Variants in CYB5R4 observed in about 807,000 individuals in gnomAD.
CYB5R4 encodes cytochrome b5 reductase 4.
A neutral mutation model predicts 70.2 loss-of-function variants in CYB5R4; 55 were observed. That is an observed-to-expected ratio of 0.78 (90% CI 0.63 to 0.98). The LOEUF is 0.98. Among genes scored for constraint, CYB5R4 ranks in the 50% least tolerant of loss-of-function variants. CYB5R4 has a pLI of 0.00. For synonymous variants in CYB5R4, 197 were observed against 199.5 expected, an observed-to-expected ratio of 0.99 and a Z score of 0.11; for missense variants, 562 against 612.6, an observed-to-expected ratio of 0.92 and a Z score of 0.87.
chr6:83,919,947 A>G (rs928898699), intron 7 of CYB5R4, among the ~76,000 whole-genome samples: 18 of 152,142 alleles, frequency 1.2e-4, no homozygotes, highest in African/African-American at 4.3e-4. Context: ...TGCCCATTTG[A>G]AACTGAAGTT....
intron 3 of CYB5R4, among the ~76,000 whole-genome samples, chr6:83,902,614 A>G (rs1295234082): frequency 1.3e-5 from 2 of 152,088 alleles, no homozygotes; most frequent in Non-Finnish European, 2.9e-5. Context: ...TTTGGGCTGT[A>G]TGTTCCTTCT....
rs575790760 is a variant in CYB5R4 at position 83,915,401 on chromosome 6, C to T, written c.445+953C>T. Among the ~76,000 whole-genome samples, 7 of 152,214 alleles carry T rather than the reference C, an allele frequency of 4.6e-5. No individual in the cohort carries two copies. In the South Asian group the frequency reaches 1.0e-3, roughly 23 times the overall value. On this transcript the variant is annotated intron_variant, in intron 5 of 15. Transcript: ENST00000369681. ...GGACTAATTTATGCAATTTATAGTA[C>T]CTGTAGTTGTTCATCGGATAATATA...
rs561464204 is a variant in CYB5R4 at position 83,921,963 on chromosome 6, T to C, written c.659-475T>C. Among the ~76,000 whole-genome samples the C allele has an allele frequency of 9.8e-5, 15 of 152,344 alleles. No homozygotes were observed. In the South Asian group the frequency reaches 1.9e-3, roughly 19 times the overall value. ...ATACCTAGAAAATACCTGTCACACA[T>C]AGACGCTCAATAAAATTTTTTTTCA... is the stretch of plus-strand genomic sequence containing the variant. On this transcript the variant is annotated intron_variant, in intron 8 of 15. Transcript: ENST00000369681.
chr6:83,865,442 T>C (rs775300942), intron 2 of CYB5R4, among the ~76,000 whole-genome samples: 30 of 152,198 alleles, frequency 2.0e-4, no homozygotes, highest in Admixed American at 3.9e-4. Context: ...GATGACTGAG[T>C]AACAATTTGT....
intron 2 of CYB5R4, among the ~76,000 whole-genome samples, chr6:83,877,623 A>C (rs993974444): frequency 2.0e-5 from 3 of 151,924 alleles, no homozygotes; most frequent in African/African-American, 4.8e-5. Context: ...TAGAGTAAGA[A>C]CTCACCCACA....
intron 3 of CYB5R4, among the ~76,000 whole-genome samples, chr6:83,894,881 T>G (rs1486461708): frequency 2.0e-5 from 3 of 152,150 alleles, no homozygotes; most frequent in Non-Finnish European, 2.9e-5. Flanking sequence ...GGAGGGTTGG[T>G]CTTTCTGTCT....
At chr6:83,868,304 T>A (rs2099457047) in intron 2 of CYB5R4, among the ~76,000 whole-genome samples, 1 of 152,190 alleles carries the variant, frequency 6.6e-6, no homozygotes, top group Non-Finnish European at 1.5e-5. Context: ...TTAGAAAATA[T>A]ACAATTTGGT....
chr6:83,867,261 C>T (rs1471630268), intron 2 of CYB5R4, among the ~76,000 whole-genome samples: 3 of 152,030 alleles, frequency 2.0e-5, no homozygotes, highest in Non-Finnish European at 2.9e-5. Flanking sequence ...GAAGTGCACT[C>T]AGGTGGAAGG....
At chr6:83,957,851 A>G (rs2099472669) in intron 15 of CYB5R4, among the ~76,000 whole-genome samples, 2 of 152,148 alleles carry the variant, frequency 1.3e-5, no homozygotes, top group Non-Finnish European at 2.9e-5. Context: ...TAAAATTCAT[A>G]GTAGCTGCCC....
chr6:83,949,054 G>A (rs987448810), intron 14 of CYB5R4, among the ~76,000 whole-genome samples: 4 of 151,012 alleles, frequency 2.6e-5, no homozygotes, highest in African/African-American at 7.3e-5. Context: ...GTCCTTGCTT[G>A]AGGCACTGAC....
At chr6:83,935,038 T>C (rs1192536632) in intron 11 of CYB5R4, among the ~76,000 whole-genome samples, 2 of 152,126 alleles carry the variant, frequency 1.3e-5, no homozygotes, top group Non-Finnish European at 2.9e-5. Context: ...GCACAAATAG[T>C]CCTCCATGAA....
Position 83,955,414 on chromosome 6 carries a change from T to G in CYB5R4, c.1463T>G (p.Val488Gly). The change falls in exon 15 of 16, where the codon GTT (valine) becomes GGT (glycine). Residue 488 changes from valine to glycine, a missense_variant. Val to Gly is a moderately radical substitution (Grantham distance 109). Transcript: ENST00000369681. ...FLKRNLDKSK[V>G]LVCICGPVPF... ...AAAAGAAATTTGGACAAATCCAAAG[T>G]TCTCGTCTGCATTTGTGGACCAGTG... The G allele has an allele frequency of 6.2e-7, 1 of 1,613,962 alleles. No homozygotes were observed. Among genetic ancestry groups the G allele is most frequent in the South Asian group, 1.1e-5 (1 of 91,076 alleles).
At chr6:83,900,406 A>G (rs2099462718) in intron 3 of CYB5R4, among the ~76,000 whole-genome samples, 1 of 152,150 alleles carries the variant, frequency 6.6e-6, no homozygotes, top group East Asian at 1.9e-4. Flanking sequence ...AAATTTTGGA[A>G]TAAGTGCGGT....
At chr6:83,870,992 T>G (rs1588559029) in intron 2 of CYB5R4, among the ~76,000 whole-genome samples, 1 of 134,046 alleles carries the variant, frequency 7.5e-6, no homozygotes, top group Non-Finnish European at 1.5e-5. Context: ...TTTTTTTTTT[T>G]TGCGATGGAG....
At chr6:83,877,051 C>T (rs1250069743) in intron 2 of CYB5R4, among the ~76,000 whole-genome samples, 6 of 152,204 alleles carry the variant, frequency 3.9e-5, no homozygotes, top group Non-Finnish European at 7.4e-5. Context: ...AGGATGGTTT[C>T]GATCTCCTGA....
chr6:83,907,615 TC>T (rs1210435615), intron 3 of CYB5R4, among the ~76,000 whole-genome samples: 20 of 152,154 alleles, frequency 1.3e-4, no homozygotes, highest in African/African-American at 4.8e-4. Context: ...AGTTATTTTT[TC>T]TGCTCCTCTC....
At chr6:83,891,697 A>G (rs769894339) in intron 2 of CYB5R4, among the ~76,000 whole-genome samples, 1 of 152,204 alleles carries the variant, frequency 6.6e-6, no homozygotes, top group Admixed American at 6.5e-5. Context: ...AAAGCATGGG[A>G]TACTACTCAC....
At chr6:83,890,600 C>T (rs2099460984) in intron 2 of CYB5R4, among the ~76,000 whole-genome samples, 1 of 152,120 alleles carries the variant, frequency 6.6e-6, no homozygotes, top group Non-Finnish European at 1.5e-5. Context: ...AGAGGATTGA[C>T]ATCAATTTTG....
intron 4 of CYB5R4, chr6:83,910,114 A>AT (rs1274978747): frequency 6.2e-7 from 1 of 1,604,566 alleles, no homozygotes; most frequent in Admixed American, 1.7e-5. Flanking sequence ...AGACACCAGG[A>AT]CCTATAGTGG....
Sources: gnomAD v4.1 joint callset for allele counts (sites outside exome capture counted in the v4.1 genomes callset) on GRCh38, gnomAD v4.1.1 for gene constraint, MANE v1.5 for transcripts, NCBI Gene and HGNC (gene_info 2026-07-23, HGNC 2026-07-21) for gene names.